AOAH: variants seen among roughly 807,000 people sequenced by gnomAD.
The protein encoded by AOAH is acyloxyacyl hydrolase, also known as acyloxyacyl hydrolase (neutrophil).
AOAH carries 64 observed loss-of-function variants against 92.2 expected under a neutral mutation model. The ratio of observed to expected loss-of-function variants is 0.69; its 90% CI spans 0.57 to 0.86. The LOEUF (loss-of-function observed/expected upper bound fraction) is 0.86, where lower values mean the gene tolerates loss of function less well. Among genes scored for constraint, AOAH ranks in the 40% least tolerant of loss-of-function variants. The pLI is 0.00. For missense variants in AOAH, 656 were observed against 694.6 expected (o/e 0.94, Z 0.62); for synonymous variants, 263 against 254.5 (o/e 1.03, Z -0.32).
chr7:36,575,441 G>C (rs374598030), intron 13 of AOAH, among the ~76,000 whole-genome samples: 4 of 152,104 alleles, frequency 2.6e-5, no homozygotes, highest in Non-Finnish European at 4.4e-5. Flanking sequence ...ATATTTTAAC[G>C]CATTTGGTAT....
At chr7:36,651,920 A>G (rs1794601390) in intron 4 of AOAH, among the ~76,000 whole-genome samples, 1 of 152,162 alleles carries the variant, frequency 6.6e-6, no homozygotes, top group Non-Finnish European at 1.5e-5. Flanking sequence ...CACAGTAACA[A>G]TTGTAGGTAT....
At chr7:36,655,600 T>C (rs182069365) in intron 4 of AOAH, among the ~76,000 whole-genome samples, 171 of 152,296 alleles carry the variant, frequency 1.1e-3, no homozygotes, top group African/African-American at 4.0e-3. Flanking sequence ...TGTACTTAGT[T>C]GTGTAGGCAA....
intron 20 of AOAH, among the ~76,000 whole-genome samples, chr7:36,517,963 ACACACACG>A (rs1783905225): frequency 3.3e-5 from 5 of 150,004 alleles, no homozygotes; most frequent in African/African-American, 7.4e-5. Flanking sequence ...ACACACACAC[ACACACACG>A]CACACACACA....
intron 4 of AOAH, among the ~76,000 whole-genome samples, chr7:36,653,111 A>G (rs144784547): frequency 7.4e-4 from 112 of 152,342 alleles, no homozygotes; most frequent in African/African-American, 2.6e-3. Context: ...TTACCAAAAA[A>G]CGTTTATTTG....
intron 9 of AOAH, among the ~76,000 whole-genome samples, chr7:36,619,751 G>A (rs1054415496): frequency 7.9e-5 from 12 of 152,190 alleles, no homozygotes; most frequent in Non-Finnish European, 1.2e-4. Flanking sequence ...GTGTCCTGAA[G>A]AGAGGAAAAT....
At chr7:36,588,089 CAATTT>C (rs1198880107) in intron 12 of AOAH, among the ~76,000 whole-genome samples, 1 of 152,168 alleles carries the variant, frequency 6.6e-6, no homozygotes, top group Non-Finnish European at 1.5e-5. Flanking sequence ...ATTTAAAAAT[CAATTT>C]AATAAAATTA....
chr7:36,722,935 GAA>G (rs11407908), intron 1 of AOAH, among the ~76,000 whole-genome samples: 19 of 49,500 alleles, frequency 3.8e-4, no homozygotes, highest in African/African-American at 1.1e-3. Context: ...ATCCATCTCA[GAA>G]AAAAAAAAAA....
chr7:36,534,504 G>A (rs1429571372), intron 16 of AOAH, among the ~76,000 whole-genome samples: 1 of 152,192 alleles, frequency 6.6e-6, no homozygotes, highest in Non-Finnish European at 1.5e-5. Flanking sequence ...AGGGACTCTG[G>A]GGCTGGTCAT....
At position 36,513,336 on chromosome 7, in the gene AOAH, C is replaced by T. The variant is rs148942391; in HGVS notation, c.1644G>A (p.Gln548=). The change falls in exon 21 of 21, where the codon CAG becomes CAA. Residue 548 remains glutamine, a synonymous_variant. Coordinates refer to ENST00000617537, the MANE Select transcript of AOAH (RefSeq NM_001637.4). The part of the protein sequence containing the change: ...LLADHFWKKV[Q]LQWPQILGKE... ...TTCCCAGGATTTGGGGCCACTGGAG[C>T]TGCACCTTTTTCCAGAAATGATCCG... 1.4e-3 allele frequency: 2,280 copies of T among 1,614,152 alleles called. 47 individuals carry two copies. The South Asian group carries it at 0.023, about 16-fold the overall frequency.
rs755663640 is a variant in AOAH, at chr7:36,567,192, G to A, written c.1021+9382C>T. On this transcript the variant is annotated intron_variant, in intron 13 of 20. Coordinates refer to ENST00000617537, the MANE Select transcript of AOAH (RefSeq NM_001637.4). ...CTCCATCTGCCCAATGCCCCCAATC[G>A]AATTCTTTCTTCTGAGGAGGCAAGA... 1.2e-4 allele frequency among the ~76,000 whole-genome samples: 18 copies of A among 152,072 alleles called. 1 individual carries two copies. The highest frequency in any genetic ancestry group is 2.2e-4 in the African/African-American group (9 of 41,398).
At chr7:36,531,996 C>T (rs181843747) in intron 18 of AOAH, 151 bp downstream of exon 18, 77 of 856,790 alleles carry the variant, frequency 9.0e-5, no homozygotes, top group Middle Eastern at 3.2e-4. Flanking sequence ...CAGGTTCTCT[C>T]GGCTCCTCAA....
chr7:36,674,392 G>C (rs1435749574), intron 2 of AOAH, among the ~76,000 whole-genome samples: 1 of 152,198 alleles, frequency 6.6e-6, no homozygotes, highest in Non-Finnish European at 1.5e-5. Context: ...ATGTAGCTCT[G>C]TTAGAAATGG....
intron 13 of AOAH, among the ~76,000 whole-genome samples, chr7:36,558,511 T>C (rs1270901566): frequency 1.3e-5 from 2 of 152,240 alleles, no homozygotes; most frequent in East Asian, 3.9e-4. Flanking sequence ...CACTGCTCTC[T>C]TCAAAGACAT....
rs147438510 is a variant in AOAH, at chr7:36,522,089, C to A, written c.1549G>T (p.Gly517Ter). Residue 517 changes from glycine (G) to a stop codon, truncating the protein, a stop_gained, in exon 20 of 21, where the codon GGA becomes TGA. Transcript: ENST00000617537. LOFTEE classifies it high-confidence loss of function. ...GGCTCGATGAGCTGCCAGGGCTGTC[C>A]GCCTCTCTTCTGCCACTCCTGTATG... ...EIIQEWQKRG[G>*]QPWQLIEPVD... The A allele has an allele frequency of 2.6e-3, 4,163 of 1,614,194 alleles. 14 individuals carry two copies. The highest frequency in any genetic ancestry group is 3.2e-3 in the Non-Finnish European group (3,735 of 1,180,030).
chr7:36,685,374 G>A (rs1228909875), intron 2 of AOAH, among the ~76,000 whole-genome samples: 1 of 152,120 alleles, frequency 6.6e-6, no homozygotes, highest in East Asian at 1.9e-4. Context: ...CTTTTTGCAG[G>A]GGGAGGATGG....
chr7:36,586,495 A>C (rs1789329612), intron 12 of AOAH, among the ~76,000 whole-genome samples: 1 of 152,090 alleles, frequency 6.6e-6, no homozygotes, highest in Non-Finnish European at 1.5e-5. Flanking sequence ...AAGCCCTTCC[A>C]GTTTTCTTTC....
At chr7:36,568,261 CCTT>C (rs1289506637) in intron 13 of AOAH, among the ~76,000 whole-genome samples, 1 of 152,184 alleles carries the variant, frequency 6.6e-6, no homozygotes, top group African/African-American at 2.4e-5. Context: ...TGTTAAGAGT[CCTT>C]CTCTTCCTGG....
intron 4 of AOAH, among the ~76,000 whole-genome samples, chr7:36,639,303 T>C (rs1019046839): frequency 6.6e-6 from 1 of 152,172 alleles, no homozygotes; most frequent in Non-Finnish European, 1.5e-5. Flanking sequence ...TATGGTGACT[T>C]TGTGGCTACT....
chr7:36,657,552 C>G (rs1362652921), intron 4 of AOAH, among the ~76,000 whole-genome samples: 1 of 152,150 alleles, frequency 6.6e-6, no homozygotes, highest in Non-Finnish European at 1.5e-5. Flanking sequence ...TCTGGGTCAT[C>G]TGCAGAGATA....
Sources: allele counts gnomAD v4.1 joint callset (sites outside exome capture counted in the v4.1 genomes callset), GRCh38; gene constraint gnomAD v4.1.1; transcripts MANE v1.5; gene names NCBI Gene and HGNC (gene_info 2026-07-23, HGNC 2026-07-21).